Variants in ANO6 observed in about 807,000 individuals in gnomAD.
The protein encoded by ANO6 is anoctamin-6.
ANO6 carries 106 observed loss-of-function variants against 117.5 expected under a neutral mutation model. That is an observed-to-expected ratio of 0.90 (90% CI 0.77 to 1.06). The LOEUF (loss-of-function observed/expected upper bound fraction) is 1.06, where lower values mean the gene tolerates loss of function less well. ANO6 is among the 50% of genes least tolerant of loss of function. The pLI is 0.00. For missense variants in ANO6, 955 were observed against 1,121.1 expected, an observed-to-expected ratio of 0.85 and a Z score of 2.12; for synonymous variants, 367 against 385.1, an observed-to-expected ratio of 0.95 and a Z score of 0.55.
chr12:45,382,827 TAG>T (rs1948009940), intron 10 of ANO6, among the ~76,000 whole-genome samples: 1 of 152,222 alleles, frequency 6.6e-6, no homozygotes, highest in Admixed American at 6.5e-5. Context: ...TCTGAGCCTT[TAG>T]AGAGTGTTAA....
intron 2 of ANO6, among the ~76,000 whole-genome samples, chr12:45,319,041 T>G (rs146280523): frequency 0.017 from 2,634 of 152,292 alleles, 55 homozygotes; most frequent in East Asian, 0.085. Context: ...TTTCTAGATA[T>G]ACAATCATGT....
intron 3 of ANO6, among the ~76,000 whole-genome samples, chr12:45,339,286 A>G (rs145280122): frequency 1.2e-4 from 19 of 152,246 alleles, no homozygotes; most frequent in Non-Finnish European, 2.1e-4. Context: ...CAGTACTTCC[A>G]GGGGAGAGGT....
chr12:45,280,183 A>G (rs1214238168), intron 1 of ANO6, among the ~76,000 whole-genome samples: 2 of 152,210 alleles, frequency 1.3e-5, no homozygotes, highest in African/African-American at 4.8e-5. Context: ...CATCAAAGCC[A>G]TGTTTGAAAA....
At chr12:45,368,399 A>C (rs1277632162) in intron 9 of ANO6, among the ~76,000 whole-genome samples, 1 of 152,250 alleles carries the variant, frequency 6.6e-6, no homozygotes, top group Non-Finnish European at 1.5e-5. Context: ...AACTATGCTT[A>C]GATTGTAAAG....
intron 7 of ANO6, among the ~76,000 whole-genome samples, chr12:45,354,066 T>A (rs1395243169): frequency 6.6e-6 from 1 of 151,766 alleles, no homozygotes; most frequent in Non-Finnish European, 1.5e-5. Flanking sequence ...AGGGAAGAAA[T>A]CTGAGAAGTA....
exon 20 of ANO6, chr12:45,439,680 C>T (rs1248609289): frequency 3.2e-5 from 40 of 1,259,436 alleles, no homozygotes; most frequent in South Asian, 4.5e-5. Flanking sequence ...GACAGTATCT[C>T]GCTTTGTTGC....
chr12:45,216,922 G>A (rs1947323763), intron 1 of ANO6, among the ~76,000 whole-genome samples: 1 of 152,164 alleles, frequency 6.6e-6, no homozygotes, highest in Non-Finnish European at 1.5e-5. Context: ...CGCTAGGCGC[G>A]CGCTGGAAAC....
intron 12 of ANO6, among the ~76,000 whole-genome samples, chr12:45,392,274 G>T (rs1294899504): frequency 2.6e-5 from 4 of 152,234 alleles, no homozygotes; most frequent in African/African-American, 9.6e-5. Flanking sequence ...GGATCAATCT[G>T]CGAGGTGGCA....
chr12:45,266,842 G>A (rs913998812), intron 1 of ANO6, among the ~76,000 whole-genome samples: 63 of 134,552 alleles, frequency 4.7e-4, no homozygotes, highest in Admixed American at 1.2e-3. Flanking sequence ...GTGTGTGTGT[G>A]TATAATATGG....
intron 2 of ANO6, among the ~76,000 whole-genome samples, chr12:45,324,226 C>T (rs1486337494): frequency 6.6e-6 from 1 of 152,188 alleles, no homozygotes; most frequent in African/African-American, 2.4e-5. Context: ...AGTCACCACG[C>T]TTGGCCTGCA....
chr12:45,230,411 TATA>T (rs1947557441), intron 1 of ANO6, among the ~76,000 whole-genome samples: 1 of 150,282 alleles, frequency 6.7e-6, no homozygotes, highest in South Asian at 2.1e-4. Flanking sequence ...CTTGGACTAT[TATA>T]ATATTAATAT....
Position 45,416,824 on chromosome 12 carries a change from C to T in ANO6, c.2137C>T (p.Leu713=), listed in dbSNP as rs1464628399. ...AWKLTTQFRR[L]VPEKAQDIGA... ...GAAACTGACCACCCAGTTTAGACGC[C>T]TGGTACCAGAGAAAGCCCAAGACAT... Residue 713 remains leucine (L), a synonymous_variant, in exon 17 of 20, where the codon CTG becomes TTG. Transcript: ENST00000320560. The T allele has an allele frequency of 3.1e-6, 5 of 1,614,040 alleles. No homozygotes were observed. The highest frequency in any genetic ancestry group is 1.3e-5 in the African/African-American group (1 of 74,910).
At chr12:45,261,738 A>T (rs1350275605) in intron 1 of ANO6, among the ~76,000 whole-genome samples, 2 of 152,230 alleles carry the variant, frequency 1.3e-5, no homozygotes, top group African/African-American at 4.8e-5. Context: ...CTCTGAGAAC[A>T]ACTGTGCATT....
chr12:45,263,663 T>C (rs1938121537), intron 1 of ANO6, among the ~76,000 whole-genome samples: 1 of 152,124 alleles, frequency 6.6e-6, no homozygotes, highest in Non-Finnish European at 1.5e-5. Flanking sequence ...CAGGATTACA[T>C]GAAGAATGGG....
intron 7 of ANO6, 52 bp downstream of exon 7, chr12:45,350,826 C>T (rs757373510): frequency 1.3e-5 from 18 of 1,411,864 alleles, no homozygotes; most frequent in Non-Finnish European, 1.6e-5. Flanking sequence ...GTGTTACCCC[C>T]ACAGCATCTG....
chr12:45,271,548 T>C (rs908543190), intron 1 of ANO6, among the ~76,000 whole-genome samples: 1 of 152,246 alleles, frequency 6.6e-6, no homozygotes, highest in African/African-American at 2.4e-5. Flanking sequence ...TTAATATGTT[T>C]TGTCTTTTCA....
At position 45,294,898 on chromosome 12, in the gene ANO6, G is replaced by A. The variant is rs76103253; in HGVS notation, c.71-7116G>A. Among the ~76,000 whole-genome samples, 1,465 of 152,258 alleles carry A rather than the reference G, an allele frequency of 9.6e-3. 26 individuals carry two copies. Among genetic ancestry groups the A allele is most frequent in the African/African-American group, 0.033 (1,379 of 41,536 alleles). ...CTAATGAGGCAAAGGATGATAAAAC[G>A]TATTAAAAATTGAAGTGAAAAATTA... is the stretch of plus-strand genomic sequence containing the variant. On this transcript the variant is annotated intron_variant, in intron 1 of 19. Coordinates refer to ENST00000320560, the MANE Select transcript of ANO6 (RefSeq NM_001025356.3).
At chr12:45,395,906 G>A (rs964834897) in intron 12 of ANO6, among the ~76,000 whole-genome samples, 7 of 152,154 alleles carry the variant, frequency 4.6e-5, no homozygotes, top group African/African-American at 1.7e-4. Flanking sequence ...GCAAAAACTG[G>A]AAGCATTCCC....
chr12:45,396,566 G>T (rs9804810), intron 12 of ANO6, among the ~76,000 whole-genome samples: 1 of 152,098 alleles, frequency 6.6e-6, no homozygotes, highest in Non-Finnish European at 1.5e-5. Flanking sequence ...GATGCATCAC[G>T]CTACCTGACT....
Sources: gnomAD v4.1 joint callset for allele counts (sites outside exome capture counted in the v4.1 genomes callset) on GRCh38, gnomAD v4.1.1 for gene constraint, MANE v1.5 for transcripts, NCBI Gene and HGNC (gene_info 2026-07-23, HGNC 2026-07-21) for gene names.